The following NUCB2 variants were observed in gnomAD, a reference collection of about 807,000 sequenced individuals.
NUCB2 encodes the protein nucleobindin 2.
Under a neutral mutation model 57.9 loss-of-function variants are expected in NUCB2, and 48 were observed. The ratio of observed to expected loss-of-function variants is 0.83; its 90% CI spans 0.66 to 1.05. The LOEUF is 1.05. Ranked by LOEUF, NUCB2 falls within the 50% of genes least tolerant of loss-of-function variation. The pLI is 0.00. For missense variants in NUCB2, 442 were observed against 476.2 expected (o/e 0.93, Z 0.67); for synonymous variants, 139 against 152.1 (o/e 0.91, Z 0.64).
At chr11:17,327,545 C>T (rs1305639223) in intron 11 of NUCB2, among the ~76,000 whole-genome samples, 2 of 152,168 alleles carry the variant, frequency 1.3e-5, no homozygotes, top group Non-Finnish European at 2.9e-5. Flanking sequence ...CTCTTTAAGG[C>T]CAATAAAACT....
Position 17,310,899 on chromosome 11 carries a change from TG to T in NUCB2, c.559del (p.Glu187LysfsTer6). 1 of 1,595,290 alleles carries T rather than the reference TG, an allele frequency of 6.3e-7. No homozygotes were observed. The highest frequency in any genetic ancestry group is 8.5e-7 in the Non-Finnish European group (1 of 1,173,210). On this transcript the variant is annotated frameshift_variant, in exon 7 of 14. Coordinates refer to ENST00000529010, the MANE Select transcript of NUCB2 (RefSeq NM_005013.4). LOFTEE classifies it high-confidence loss of function. ...AAAAATATGAAATGATGAAGGAACATGAAAGGAGAGAATATTTAAAAACATT... is the reference window on the plus strand; with the variant it reads ...AAAAATATGAAATGATGAAGGAACATAAAGGAGAGAATATTTAAAAACATT... ...FKKYEMMKEH[E>X]RREYLKTLNE... is the part of the protein sequence containing the mutation.
chr11:17,297,759 C>A (rs1053998257), intron 4 of NUCB2, among the ~76,000 whole-genome samples: 8 of 151,948 alleles, frequency 5.3e-5, no homozygotes, highest in Admixed American at 2.0e-4. Context: ...TTAGGGGGAA[C>A]CAAAATGAAG....
At chr11:17,305,959 T>C (rs1947565170) in intron 5 of NUCB2, among the ~76,000 whole-genome samples, 1 of 152,200 alleles carries the variant, frequency 6.6e-6, no homozygotes, top group South Asian at 2.1e-4. Flanking sequence ...TATAACTTGC[T>C]AGCCATTTGG....
chr11:17,330,953 G>T lies in NUCB2; in HGVS notation c.1225G>T (p.Gly409Trp). Reference sequence around the variant, plus strand: ...ATTACAACAAGGAATTCCTCCATCAGGGCCAGCTGGAGAATTGAAGTTTGA... The same window carrying T: ...ATTACAACAAGGAATTCCTCCATCATGGCCAGCTGGAGAATTGAAGTTTGA... ...KKLQQGIPPS[G>W]PAGELKFEPH... The change falls in exon 13 of 14, where the codon GGG becomes TGG. Residue 409 changes from glycine to tryptophan, a missense_variant. Transcript: ENST00000529010. The surrounding 1 kb of genome is among the most constrained non-coding windows in gnomAD (Gnocchi z 4.3). The T allele has an allele frequency of 6.2e-7, 1 of 1,610,656 alleles. No individual in the cohort carries two copies. Among genetic ancestry groups the T allele is most frequent in the Non-Finnish European group, 8.5e-7 (1 of 1,177,848 alleles).
At chr11:17,307,407 G>C (rs1429012930) in intron 5 of NUCB2, among the ~76,000 whole-genome samples, 1 of 151,990 alleles carries the variant, frequency 6.6e-6, no homozygotes, top group African/African-American at 2.4e-5. Flanking sequence ...TGGTCCTCCT[G>C]CCTCAGCCTC....
chr11:17,312,423 A>T (rs372348647), intron 10 of NUCB2, among the ~76,000 whole-genome samples: 13 of 142,864 alleles, frequency 9.1e-5, no homozygotes, highest in Non-Finnish European at 1.8e-4. Flanking sequence ...TTTTTTTTTG[A>T]GACGGAGTCT....
Position 17,301,843 on chromosome 11 carries a change from A to G in NUCB2, c.352A>G (p.Ile118Val). The G allele has an allele frequency of 1.2e-6, 2 of 1,613,842 alleles. No individual in the cohort carries two copies. The highest frequency in any genetic ancestry group is 1.7e-6 in the Non-Finnish European group (2 of 1,179,748). ...RQEVGRLRML[I>V]KAKLDSLQDI... is the part of the protein sequence containing the mutation. ...AGAAGTAGGAAGGTTAAGAATGTTA[A>G]TTAAAGCTAAGTTGGATTCCCTTCA... is the stretch of plus-strand genomic sequence containing the variant. The change falls in exon 5 of 14, where the codon ATT becomes GTT. Residue 118 changes from isoleucine (I) to valine (V), a missense_variant. Transcript: ENST00000529010.
intron 2 of NUCB2, among the ~76,000 whole-genome samples, chr11:17,284,038 T>C (rs931646907): frequency 1.3e-5 from 2 of 152,202 alleles, no homozygotes; most frequent in Admixed American, 1.3e-4. Flanking sequence ...GACTTTTATT[T>C]TTTTTGTTGA....
At chr11:17,278,946 A>G (rs2137780689) in intron 1 of NUCB2, among the ~76,000 whole-genome samples, 1 of 152,296 alleles carries the variant, frequency 6.6e-6, no homozygotes, top group South Asian at 2.1e-4. Context: ...TAATCCCAGC[A>G]CTTTGGGAGG....
intron 11 of NUCB2, among the ~76,000 whole-genome samples, chr11:17,316,047 A>G (rs1399344608): frequency 3.3e-5 from 5 of 152,098 alleles, no homozygotes; most frequent in Non-Finnish European, 7.4e-5. Flanking sequence ...ACCTTGGCTC[A>G]CTGCAACCTC....
At chr11:17,280,247 A>T (rs1942284686) in intron 1 of NUCB2, among the ~76,000 whole-genome samples, 1 of 152,176 alleles carries the variant, frequency 6.6e-6, no homozygotes, top group South Asian at 2.1e-4. Flanking sequence ...CGTTGTTAAG[A>T]CTGGAAAAAA....
intron 1 of NUCB2, among the ~76,000 whole-genome samples, chr11:17,279,455 G>C (rs961126178): frequency 2.6e-5 from 4 of 152,128 alleles, no homozygotes; most frequent in African/African-American, 9.7e-5. Context: ...CTTTATCCTA[G>C]AGGGATATGT....
chr11:17,306,868 T>C (rs190204615), intron 5 of NUCB2, among the ~76,000 whole-genome samples: 6 of 149,500 alleles, frequency 4.0e-5, no homozygotes, highest in Admixed American at 2.7e-4. Context: ...GCCGAGATCA[T>C]GCCACTGTGC....
chr11:17,292,870 A>T (rs1945164297), intron 2 of NUCB2, among the ~76,000 whole-genome samples: 1 of 152,236 alleles, frequency 6.6e-6, no homozygotes, highest in African/African-American at 2.4e-5. Flanking sequence ...TATAATAAGC[A>T]TGGGGATCAA....
chr11:17,312,159 GTAT>G, intron 10 of NUCB2, 39 bp downstream of exon 10: 1 of 962,792 alleles, frequency 1.0e-6, no homozygotes, highest in Non-Finnish European at 1.6e-6. Flanking sequence ...TTATTTCTAT[GTAT>G]TATTTAATTC....
chr11:17,311,473 G>A (rs1948473628), intron 8 of NUCB2, among the ~76,000 whole-genome samples, 190 bp downstream of exon 8: 1 of 152,104 alleles, frequency 6.6e-6, no homozygotes, highest in South Asian at 2.1e-4. Flanking sequence ...TAGTAGCTCT[G>A]TCTTTATACT....
intron 2 of NUCB2, among the ~76,000 whole-genome samples, chr11:17,291,545 C>CAAAAAAAAAACAAA (rs558838672): frequency 1.9e-5 from 1 of 52,220 alleles, no homozygotes; most frequent in Non-Finnish European, 3.4e-5. Flanking sequence ...GACTCTGCAT[C>CAAAAAAAAAACAAA]AAAAAAAAAA....
Position 17,330,446 on chromosome 11 carries a change from T to C in NUCB2, c.1173+149T>C. On this transcript the variant is annotated intron_variant, in intron 12 of 13. Coordinates refer to ENST00000529010, the MANE Select transcript of NUCB2 (RefSeq NM_005013.4). The surrounding 1 kb of genome is among the most constrained non-coding windows in gnomAD (Gnocchi z 4.3). ...TAAATTTTAATACTTTAAAACTGTT[T>C]TGTGGAATATTAATCTAAATTTTAT... The C allele has an allele frequency of 2.1e-6, 1 of 468,586 alleles. No homozygotes were observed. Among genetic ancestry groups the C allele is most frequent in the Non-Finnish European group, 3.7e-6 (1 of 267,566 alleles). 29.0% of individuals were successfully genotyped at this position (468,586 alleles called of 1,614,324 possible).
intron 4 of NUCB2, among the ~76,000 whole-genome samples, chr11:17,297,968 G>T (rs1412888134): frequency 6.6e-6 from 1 of 151,608 alleles, no homozygotes; most frequent in Non-Finnish European, 1.5e-5. Flanking sequence ...TGTAATCCCA[G>T]CCACTCGGGA....
Sources: gnomAD v4.1 joint callset for allele counts (sites outside exome capture counted in the v4.1 genomes callset) on GRCh38, gnomAD v4.1.1 for gene constraint, Gnocchi (gnomAD v3.1) non-coding constraint, MANE v1.5 for transcripts, NCBI Gene and HGNC (gene_info 2026-07-23, HGNC 2026-07-21) for gene names.